FUT8: variants seen among roughly 807,000 people sequenced by gnomAD.
FUT8 encodes alpha-(1,6)-fucosyltransferase.
In FUT8, 29 loss-of-function variants were observed where a neutral mutation model predicts 71.3. The ratio of observed to expected loss-of-function variants is 0.41; its 90% CI spans 0.30 to 0.55. The LOEUF (loss-of-function observed/expected upper bound fraction) is 0.55. Ranked by LOEUF, FUT8 falls within the 20% of genes least tolerant of loss-of-function variation. The pLI, the probability that FUT8 is intolerant of heterozygous loss-of-function variation, is 0.34. For synonymous variants in FUT8, 254 were observed against 239.3 expected, an observed-to-expected ratio of 1.06 and a Z score of -0.57; for missense variants, 544 against 702.1, an observed-to-expected ratio of 0.77 and a Z score of 2.55.
rs150845760 is a variant in FUT8, at chr14:65,700,601, G to A, written c.836-21174G>A. Among the ~76,000 whole-genome samples, 167 of 151,892 alleles carry A rather than the reference G, an allele frequency of 1.1e-3. 1 individual carries two copies. In the East Asian group the frequency reaches 0.025, roughly 23 times the overall value. On this transcript the variant is annotated intron_variant, in intron 7 of 10. Transcript: ENST00000673929. Reference sequence around the variant, plus strand: ...TTTTTAGTAGAGACGGGGTTTCACCGTGTTATCCAGGATGGTCTCGATCTC... The same window carrying A: ...TTTTTAGTAGAGACGGGGTTTCACCATGTTATCCAGGATGGTCTCGATCTC...
At chr14:65,620,331 C>T (rs1889538183) in intron 5 of FUT8, among the ~76,000 whole-genome samples, 1 of 152,112 alleles carries the variant, frequency 6.6e-6, no homozygotes, top group African/African-American at 2.4e-5. Context: ...TTGCATTTCT[C>T]ATTATCAGTA....
In FUT8 at chr14:65,633,485, G is replaced by A. The variant is rs537575483; in HGVS notation, c.597+3879G>A. 2.1e-3 allele frequency among the ~76,000 whole-genome samples: 320 copies of A among 151,866 alleles called. 2 individuals are homozygous for A. The highest frequency in any genetic ancestry group is 3.6e-3 in the Non-Finnish European group (243 of 67,916). On this transcript the variant is annotated intron_variant, in intron 6 of 10. Coordinates refer to ENST00000673929, the MANE Select transcript of FUT8 (RefSeq NM_001371533.1). ...GCCCCTCTGCCTGGCTGCCCAGTCT[G>A]GAAAGTGAGGAGCGTCTCTGCCCAG...
At chr14:65,572,923 A>G (rs1886561464) in intron 3 of FUT8, among the ~76,000 whole-genome samples, 1 of 152,188 alleles carries the variant, frequency 6.6e-6, no homozygotes, top group South Asian at 2.1e-4. Flanking sequence ...AGCTGATGTG[A>G]ATAGCATTTT....
At position 65,714,403 on chromosome 14, in the gene FUT8, T is replaced by G. The variant is rs547107016; in HGVS notation, c.836-7372T>G. Among the ~76,000 whole-genome samples, 5 of 151,726 alleles carry G rather than the reference T, an allele frequency of 3.3e-5. No individual in the cohort carries two copies. The East Asian group carries it at 9.7e-4, about 29-fold the overall frequency. On this transcript the variant is annotated intron_variant, in intron 7 of 10. Coordinates refer to ENST00000673929, the MANE Select transcript of FUT8 (RefSeq NM_001371533.1). ...ACAGCTTTGGTTATCCTGTGTCTTT[T>G]GTGGTTCCATATAAATTTTATTTAT...
chr14:65,647,996 C>A (rs924327008), intron 6 of FUT8, among the ~76,000 whole-genome samples: 2 of 152,106 alleles, frequency 1.3e-5, no homozygotes, highest in African/African-American at 4.8e-5. Context: ...GGTTGCTCTT[C>A]CTTTTTGCCA....
At chr14:65,722,232 A>C (rs980539349) in intron 8 of FUT8, among the ~76,000 whole-genome samples, 5 of 152,068 alleles carry the variant, frequency 3.3e-5, no homozygotes, top group Non-Finnish European at 7.4e-5. Context: ...GTAGTGCTCT[A>C]TTACTGTCTC....
In FUT8 at chr14:65,669,148, G is replaced by A; in HGVS notation, c.598-95G>A. ...ATTTATCTATAGAACAAACCTGCAT[G>A]TGTACCCCTGAAGATGAAAGATTAA... On this transcript the variant is annotated intron_variant, in intron 6 of 10. Transcript: ENST00000673929. This position sits in a 1 kb window ranked among gnomAD's most constrained non-coding sequence, Gnocchi z 4.5. The A allele has an allele frequency of 1.1e-6, 1 of 869,806 alleles. No individual in the cohort carries two copies. Among genetic ancestry groups the A allele is most frequent in the Non-Finnish European group, 1.8e-6 (1 of 563,962 alleles). The allele number at this position is 869,806 out of a possible 1,614,324, so 53.9% of individuals were successfully genotyped here.
intron 3 of FUT8, among the ~76,000 whole-genome samples, chr14:65,583,693 A>G (rs934236426): frequency 9.9e-5 from 15 of 151,850 alleles, no homozygotes; most frequent in Admixed American, 7.9e-4. Context: ...TTTAGCATCT[A>G]TAGTAACTTG....
At chr14:65,481,416 T>C (rs933914867) in intron 2 of FUT8, among the ~76,000 whole-genome samples, 2 of 152,172 alleles carry the variant, frequency 1.3e-5, no homozygotes, top group African/African-American at 4.8e-5. Context: ...GATTTCCTTA[T>C]AGTTTGTATT....
chr14:65,442,518 A>AATACATAC (rs142250322), intron 1 of FUT8, among the ~76,000 whole-genome samples: 4,776 of 148,842 alleles, frequency 0.032, 88 homozygotes, highest in Non-Finnish European at 0.045. Flanking sequence ...GACCATCATA[A>AATACATAC]ATACATACAT....
intron 1 of FUT8, among the ~76,000 whole-genome samples, chr14:65,425,841 G>A (rs1374933882): frequency 2.0e-5 from 3 of 151,946 alleles, no homozygotes; most frequent in African/African-American, 4.8e-5. Context: ...GCTGGGTGTG[G>A]TGGCGGGCCC....
At chr14:65,419,389 G>A (rs2065261609) in intron 1 of FUT8, among the ~76,000 whole-genome samples, 1 of 152,152 alleles carries the variant, frequency 6.6e-6, no homozygotes, top group Admixed American at 6.5e-5. Context: ...GAAGCACAGT[G>A]TTCTCCACTC....
chr14:65,615,693 G>T (rs1889242699), intron 3 of FUT8, among the ~76,000 whole-genome samples: 1 of 152,054 alleles, frequency 6.6e-6, no homozygotes, highest in Non-Finnish European at 1.5e-5. Flanking sequence ...GGTACTCTGG[G>T]GATGAAAGAT....
intron 10 of FUT8, among the ~76,000 whole-genome samples, chr14:65,734,934 A>G (rs1419863951): frequency 6.6e-6 from 1 of 152,172 alleles, no homozygotes; most frequent in Non-Finnish European, 1.5e-5. Flanking sequence ...ATCCCTGGCC[A>G]GTAAGACCCT....
chr14:65,580,450 AATAC>A (rs1413850943), intron 3 of FUT8, among the ~76,000 whole-genome samples: 1 of 151,932 alleles, frequency 6.6e-6, no homozygotes, highest in Non-Finnish European at 1.5e-5. Flanking sequence ...TACTGTATAT[AATAC>A]ATATATATGT....
At chr14:65,360,858 C>T in the FUT8 span, among the ~76,000 whole-genome samples, 5 of 152,018 alleles carry the variant, frequency 3.3e-5, no homozygotes, top group African/African-American at 1.2e-4. Flanking sequence ...TTAGTGAACA[C>T]AAATTAGTTG....
At chr14:65,368,817 C>T in the FUT8 span, among the ~76,000 whole-genome samples, 1 of 152,080 alleles carries the variant, frequency 6.6e-6, no homozygotes, top group African/African-American at 2.4e-5. Flanking sequence ...CCACCGCGCC[C>T]GGCCTATTTT....
At chr14:65,513,267 T>C (rs1882483928) in intron 2 of FUT8, among the ~76,000 whole-genome samples, 1 of 152,252 alleles carries the variant, frequency 6.6e-6, no homozygotes. Context: ...TGTATTGTTA[T>C]CATTTGGCAT....
intron 3 of FUT8, among the ~76,000 whole-genome samples, chr14:65,597,219 A>G (rs1888028239): frequency 6.6e-6 from 1 of 152,224 alleles, no homozygotes; most frequent in Admixed American, 6.5e-5. Flanking sequence ...GTCTTCCTGT[A>G]AAAACTATAG....
Sources: allele counts gnomAD v4.1 joint callset (sites outside exome capture counted in the v4.1 genomes callset), GRCh38; gene constraint gnomAD v4.1.1; non-coding constraint Gnocchi (gnomAD v3.1); transcripts MANE v1.5; gene names NCBI Gene and HGNC (gene_info 2026-07-23, HGNC 2026-07-21).